Variants in DDX11 observed in about 807,000 individuals in gnomAD.
DDX11 encodes DEAD/H-box helicase 11, also known as ATP-dependent DNA helicase DDX11.
Under a neutral mutation model 125.2 loss-of-function variants are expected in DDX11, and 72 were observed. The observed-to-expected ratio is 0.58, with a 90% CI of 0.48 to 0.70. DDX11 has a LOEUF of 0.70. Among genes scored for constraint, DDX11 ranks in the 30% least tolerant of loss-of-function variants. The probability of loss-of-function intolerance (pLI) is 0.00; values close to 1 mark genes in which losing one functional copy is unlikely to be tolerated. For synonymous variants in DDX11, 347 were observed against 452.6 expected, an observed-to-expected ratio of 0.77 and a Z score of 2.96; for missense variants, 883 against 1,165.0, an observed-to-expected ratio of 0.76 and a Z score of 3.52.
At chr12:31,091,603 C>G (rs1162908347) in intron 9 of DDX11, 116 bp from the exon 10 acceptor site, 10 of 1,208,548 alleles carry the variant, frequency 8.3e-6, no homozygotes, top group Non-Finnish European at 1.2e-5. Context: ...TTTCGAATGT[C>G]TCTACACAGT....
chr12:31,089,400 C>T lies in DDX11; in HGVS notation c.793-3C>T. Reference sequence around the variant, plus strand: ...TTGCCTCTTTCTTTCTCCTTTGCTGCAGAACCTTTGTGTAAATGAAGACGT... The same window carrying T: ...TTGCCTCTTTCTTTCTCCTTTGCTGTAGAACCTTTGTGTAAATGAAGACGT... On this transcript the variant is annotated splice_region_variant and splice_polypyrimidine_tract_variant and intron_variant, in intron 7 of 26. Transcript: ENST00000542838. 1 of 1,613,904 alleles carries T rather than the reference C, an allele frequency of 6.2e-7. No individual in the cohort carries two copies. The highest frequency in any genetic ancestry group is 8.5e-7 in the Non-Finnish European group (1 of 1,179,826).
chr12:31,096,636 G>C lies in DDX11; in HGVS notation c.1522-1G>C. ...CCACTGCTCTCTCTCATCCCACCCA[G>C]CTCTTTGGATTCACTGAACGGTACG... On this transcript the variant is annotated splice_acceptor_variant, in intron 15 of 26. Coordinates refer to ENST00000542838, the MANE Select transcript of DDX11 (RefSeq NM_030653.4). LOFTEE classifies it high-confidence loss of function. The C allele has an allele frequency of 6.2e-7, 1 of 1,613,182 alleles. No individual in the cohort carries two copies. Among genetic ancestry groups the C allele is most frequent in the Non-Finnish European group, 8.5e-7 (1 of 1,179,880 alleles).
At chr12:31,102,116 G>A (rs1157542013) in intron 21 of DDX11, 127 bp from the exon 22 acceptor site, 33 of 1,216,382 alleles carry the variant, frequency 2.7e-5, no homozygotes, top group Non-Finnish European at 3.5e-5. Flanking sequence ...TGACTACAGA[G>A]GATTTCCCCC....
Sources: allele counts gnomAD v4.1 joint callset, GRCh38; gene constraint gnomAD v4.1.1; transcripts MANE v1.5; gene names NCBI Gene and HGNC (gene_info 2026-07-23, HGNC 2026-07-21).